Variants in PGPEP1 observed in about 807,000 individuals in gnomAD.
PGPEP1 encodes pyroglutamyl-peptidase I.
Under a neutral mutation model 24.1 loss-of-function variants are expected in PGPEP1, and 15 were observed. The ratio of observed to expected loss-of-function variants is 0.62; its 90% confidence interval spans 0.42 to 0.96. The LOEUF (loss-of-function observed/expected upper bound fraction) is 0.96. Ranked by LOEUF, PGPEP1 falls within the 40% of genes least tolerant of loss-of-function variation. The probability of loss-of-function intolerance (pLI) is 0.00; values close to 1 mark genes in which losing one functional copy is unlikely to be tolerated. For missense variants in PGPEP1, 242 were observed against 273.4 expected (o/e 0.89, Z 0.81); for synonymous variants, 122 against 116.4 (o/e 1.05, Z -0.31).
chr19:18,356,588 A>C (rs12984770), intron 3 of PGPEP1, among the ~76,000 whole-genome samples: 35,159 of 151,658 alleles, frequency 0.23, 4,767 homozygotes, highest in East Asian at 0.42. Flanking sequence ...CTCTACAAAA[A>C]AATTTAAAAA....
chr19:18,344,671 C>T (rs11882198), intron 2 of PGPEP1, among the ~76,000 whole-genome samples: 33,800 of 151,150 alleles, frequency 0.22, 4,470 homozygotes, highest in Non-Finnish European at 0.27. Flanking sequence ...GGAGCGTGCC[C>T]GAGGCCCTGC....
chr19:18,358,327 C>G (rs1971249864), intron 4 of PGPEP1, among the ~76,000 whole-genome samples: 1 of 131,452 alleles, frequency 7.6e-6, no homozygotes, highest in African/African-American at 2.9e-5. Flanking sequence ...ATGGCGTGAT[C>G]TCAGCTCACT....
At chr19:18,355,499 G>A (rs1012446500) in intron 2 of PGPEP1, among the ~76,000 whole-genome samples, 28 of 152,084 alleles carry the variant, frequency 1.8e-4, no homozygotes, top group Admixed American at 1.4e-3. Context: ...GACCTCAGGT[G>A]ATCCGCCCAC....
chr19:18,354,598 A>G (rs1600212765), intron 2 of PGPEP1, among the ~76,000 whole-genome samples: 1 of 152,056 alleles, frequency 6.6e-6, no homozygotes, highest in African/African-American at 2.4e-5. Context: ...GCTCACTGCA[A>G]CCTCAACCGC....
At chr19:18,349,145 G>A (rs1802589892) in intron 2 of PGPEP1, 6 of 958,016 alleles carry the variant, frequency 6.3e-6, no homozygotes, top group Non-Finnish European at 7.5e-6. Context: ...TGCTGACAGT[G>A]GTTTTCTTTC....
intron 1 of PGPEP1, among the ~76,000 whole-genome samples, chr19:18,342,247 G>T (rs1032572354): frequency 1.3e-5 from 2 of 152,094 alleles, no homozygotes; most frequent in Non-Finnish European, 2.9e-5. Flanking sequence ...TCACCTTCTT[G>T]CTGTGTGACC....
chr19:18,349,550 A>C (rs1970962035), intron 2 of PGPEP1, among the ~76,000 whole-genome samples: 1 of 152,240 alleles, frequency 6.6e-6, no homozygotes, highest in Admixed American at 6.5e-5. Flanking sequence ...CATTAGGGAA[A>C]AGACAGAAAA....
At chr19:18,356,584 A>G (rs1170415520) in intron 3 of PGPEP1, among the ~76,000 whole-genome samples, 1 of 151,848 alleles carries the variant, frequency 6.6e-6, no homozygotes, top group Non-Finnish European at 1.5e-5. Flanking sequence ...CCATCTCTAC[A>G]AAAAAATTTA....
intron 2 of PGPEP1, among the ~76,000 whole-genome samples, chr19:18,350,971 CTT>C (rs1971001835): frequency 6.6e-6 from 1 of 151,692 alleles, no homozygotes; most frequent in Non-Finnish European, 1.5e-5. Context: ...AGCAGTAAAT[CTT>C]TTTAAAAACT....
In PGPEP1 at chr19:18,369,496, T is replaced by G. The variant is rs1469797484; in HGVS notation, c.*5913T>G. 6.6e-6 allele frequency: 1 copy of G among 152,388 alleles called. No individual in the cohort carries two copies. Among genetic ancestry groups the G allele is most frequent in the Non-Finnish European group, 1.5e-5 (1 of 68,204 alleles). The allele number at this position is 152,388 out of a possible 1,614,324, so 9.4% of individuals were successfully genotyped here. ...GCCTGGGGGTTTTGTGTCGTGACAC[T>G]TTGTCTCAAGGAGATTCCACATAGG... is the stretch of plus-strand genomic sequence containing the variant. On this transcript the variant is annotated 3_prime_UTR_variant, in exon 5 of 5. Coordinates refer to ENST00000269919, the MANE Select transcript of PGPEP1 (RefSeq NM_017712.4).
chr19:18,343,367 T>G (rs138006034), intron 2 of PGPEP1, among the ~76,000 whole-genome samples: 16 of 152,302 alleles, frequency 1.1e-4, no homozygotes, highest in African/African-American at 3.1e-4. Context: ...ACACATCTGT[T>G]GAGTGTTTGT....
intron 4 of PGPEP1, among the ~76,000 whole-genome samples, chr19:18,359,149 A>G (rs1478001565): frequency 2.0e-5 from 3 of 151,942 alleles, no homozygotes; most frequent in Admixed American, 1.3e-4. Flanking sequence ...GCAGGCTGAG[A>G]CAGGAGGATT....
chr19:18,356,073 G>A, intron 3 of PGPEP1, 62 bp downstream of exon 3: 1 of 978,644 alleles, frequency 1.0e-6, no homozygotes, highest in South Asian at 1.3e-5. Flanking sequence ...CCCTTCATGT[G>A]GAGGACTTAG....
At chr19:18,361,963 G>A (rs1971357909) in intron 4 of PGPEP1, 2 of 859,912 alleles carry the variant, frequency 2.3e-6, no homozygotes, top group Non-Finnish European at 2.8e-6. Context: ...ATTCCATGGT[G>A]TGGATAAACC....
chr19:18,343,244 C>T (rs956718924), intron 2 of PGPEP1, among the ~76,000 whole-genome samples: 1 of 152,108 alleles, frequency 6.6e-6, no homozygotes, highest in African/African-American at 2.4e-5. Flanking sequence ...AAGTAATCCT[C>T]CTGCCTCAGC....
chr19:18,357,552 T>G lies in PGPEP1; in HGVS notation c.374T>G (p.Val125Gly). Residue 125 changes from valine to glycine, a missense_variant, in exon 4 of 5, where the codon GTG becomes GGG. By Grantham distance (109) the Val-to-Gly change is moderately radical (BLOSUM62 -3). Coordinates refer to ENST00000269919, the MANE Select transcript of PGPEP1 (RefSeq NM_017712.4). The part of the protein sequence containing the change: ...SIDSIIDMDA[V>G]CKRVTTLGLD... ...GACTCCATCATCGACATGGATGCTG[T>G]GTGCAAGCGAGTCACCACGTTGGGC... 6.2e-7 allele frequency: 1 copy of G among 1,613,332 alleles called. No individual in the cohort carries two copies. Among genetic ancestry groups the G allele is most frequent in the Non-Finnish European group, 8.5e-7 (1 of 1,179,660 alleles).
rs1319498681 is a variant in PGPEP1, at chr19:18,367,498, C to G, written c.*3915C>G. 1 of 152,072 alleles carries G rather than the reference C, an allele frequency of 6.6e-6. No homozygotes were observed. The highest frequency in any genetic ancestry group is 1.5e-5 in the Non-Finnish European group (1 of 68,056). 9.4% of individuals were successfully genotyped at this position (152,072 alleles called of 1,614,324 possible). Reference sequence around the variant, plus strand: ...CCTGACCAACTTGATGATGGCATCTCTTTTAAGATGCCCAAGTCTGCGCAC... The same window carrying G: ...CCTGACCAACTTGATGATGGCATCTGTTTTAAGATGCCCAAGTCTGCGCAC... On this transcript the variant is annotated 3_prime_UTR_variant, in exon 5 of 5. Coordinates refer to ENST00000269919, the MANE Select transcript of PGPEP1 (RefSeq NM_017712.4).
Position 18,363,517 on chromosome 19 carries a change from C to T in PGPEP1, c.564C>T (p.Ile188=). 6.2e-7 allele frequency: 1 copy of T among 1,614,158 alleles called. No individual in the cohort carries two copies. The highest frequency in any genetic ancestry group is 1.3e-5 in the African/African-American group (1 of 75,062). ...ADQLGRALRA[I]IEEMLDLLEQ... ...AGCTGGGCAGGGCACTGAGAGCCAT[C>T]ATTGAGGAGATGTTGGACCTCCTGG... Residue 188 remains isoleucine (I), a synonymous_variant, in exon 5 of 5, where the codon ATC becomes ATT. Coordinates refer to ENST00000269919, the MANE Select transcript of PGPEP1 (RefSeq NM_017712.4).
In PGPEP1 at chr19:18,367,685, A is replaced by G. The variant is rs1318056503; in HGVS notation, c.*4102A>G. 6.6e-6 allele frequency: 1 copy of G among 152,250 alleles called. No individual in the cohort carries two copies. The highest frequency in any genetic ancestry group is 1.5e-5 in the Non-Finnish European group (1 of 68,090). The allele number at this position is 152,250 out of a possible 1,614,324, so 9.4% of individuals were successfully genotyped here. A position where few individuals can be genotyped will look rare whatever the true frequency, so the allele number is the denominator to read the frequency against. ...GGGTGGGCTGAGCTTGGGGCCACCT[A>G]GCCCACCTGCTCCAATCAAGGGCTG... On this transcript the variant is annotated 3_prime_UTR_variant, in exon 5 of 5. Coordinates refer to ENST00000269919, the MANE Select transcript of PGPEP1 (RefSeq NM_017712.4).
Sources: allele counts gnomAD v4.1 joint callset (sites outside exome capture counted in the v4.1 genomes callset), GRCh38; gene constraint gnomAD v4.1.1; transcripts MANE v1.5; gene names NCBI Gene and HGNC (gene_info 2026-07-23, HGNC 2026-07-21).